The following SLCO3A1 variants were observed in gnomAD, a reference collection of about 807,000 sequenced individuals.
The protein encoded by SLCO3A1 is PGE1 transporter.
A neutral mutation model predicts 63.1 loss-of-function variants in SLCO3A1; 27 were observed. The observed-to-expected ratio is 0.43, with a 90% CI of 0.32 to 0.59. The LOEUF is 0.59. Ranked by LOEUF, SLCO3A1 falls within the 20% of genes least tolerant of loss-of-function variation. The pLI is 0.09. For synonymous variants in SLCO3A1, 473 were observed against 409.9 expected (o/e 1.15, Z -1.86); for missense variants, 773 against 945.8 (o/e 0.82, Z 2.40).
chr15:92,147,184 TCTC>T (rs1567146374), intron 8 of SLCO3A1, 25 bp downstream of exon 8: 1 of 1,592,248 alleles, frequency 6.3e-7, no homozygotes, highest in African/African-American at 1.4e-5. Context: ...CAGCCCCGCC[TCTC>T]CTCCTTTCCA....
chr15:92,106,275 G>A (rs534264216), intron 4 of SLCO3A1, among the ~76,000 whole-genome samples: 4 of 152,274 alleles, frequency 2.6e-5, no homozygotes, highest in African/African-American at 7.2e-5. Flanking sequence ...AGAATGCACC[G>A]GTAGATGAGA....
chr15:91,952,261 A>C (rs1900024866), intron 2 of SLCO3A1, among the ~76,000 whole-genome samples: 1 of 152,220 alleles, frequency 6.6e-6, no homozygotes, highest in Non-Finnish European at 1.5e-5. Context: ...TTTTCTGGAT[A>C]CTAGGCCAGA....
At chr15:91,901,303 A>AT (rs1898149559) in intron 1 of SLCO3A1, among the ~76,000 whole-genome samples, 1 of 152,212 alleles carries the variant, frequency 6.6e-6, no homozygotes, top group Non-Finnish European at 1.5e-5. Flanking sequence ...TGTCAAACGT[A>AT]TTACATCTAT....
intron 9 of SLCO3A1, among the ~76,000 whole-genome samples, chr15:92,160,707 C>T (rs183141964): frequency 1.3e-5 from 2 of 151,968 alleles, no homozygotes; most frequent in Non-Finnish European, 2.9e-5. Context: ...GCACCTGGGC[C>T]GAGAGCCTGG....
At chr15:92,135,550 T>G (rs561087069) in intron 7 of SLCO3A1, among the ~76,000 whole-genome samples, 1 of 152,310 alleles carries the variant, frequency 6.6e-6, no homozygotes, top group African/African-American at 2.4e-5. Context: ...TGATGAGATC[T>G]GAGGGTTATG....
chr15:91,864,894 C>T (rs543788562), intron 1 of SLCO3A1, among the ~76,000 whole-genome samples: 12 of 152,312 alleles, frequency 7.9e-5, no homozygotes, highest in African/African-American at 2.9e-4. Flanking sequence ...CCTCCACTGG[C>T]CCCTGACCCC....
intron 1 of SLCO3A1, among the ~76,000 whole-genome samples, chr15:91,857,061 TGTGTGTGTGA>T (rs1330286660): frequency 1.1e-4 from 15 of 137,658 alleles, no homozygotes; most frequent in African/African-American, 5.1e-4. Flanking sequence ...TGTGTGTGTG[TGTGTGTGTGA>T]GAGAGAGAGA....
At chr15:92,057,424 T>A (rs2151502797) in intron 2 of SLCO3A1, among the ~76,000 whole-genome samples, 1 of 152,298 alleles carries the variant, frequency 6.6e-6, no homozygotes, top group South Asian at 2.1e-4. Flanking sequence ...ATTGGCAGGC[T>A]CCAAGCATCA....
intron 3 of SLCO3A1, among the ~76,000 whole-genome samples, chr15:92,102,618 G>C (rs191609605): frequency 3.5e-4 from 54 of 152,266 alleles, no homozygotes; most frequent in Admixed American, 1.1e-3. Flanking sequence ...CCCCTCTCCA[G>C]CATGTAGCTA....
intron 2 of SLCO3A1, among the ~76,000 whole-genome samples, chr15:91,971,910 T>C (rs1375269652): frequency 6.6e-6 from 1 of 152,188 alleles, no homozygotes; most frequent in Non-Finnish European, 1.5e-5. Context: ...TCAGAAATGC[T>C]TGGGACCAGA....
At chr15:92,003,032 C>T (rs1383097228) in intron 2 of SLCO3A1, among the ~76,000 whole-genome samples, 1 of 152,168 alleles carries the variant, frequency 6.6e-6, no homozygotes, top group Non-Finnish European at 1.5e-5. Flanking sequence ...AAGGATATCA[C>T]TCTTCCCTGC....
At chr15:91,924,826 G>C (rs893781634) in intron 2 of SLCO3A1, among the ~76,000 whole-genome samples, 1 of 152,240 alleles carries the variant, frequency 6.6e-6, no homozygotes, top group African/African-American at 2.4e-5. Context: ...AAGGTTCCCC[G>C]AAGAGAGTAT....
intron 7 of SLCO3A1, among the ~76,000 whole-genome samples, 168 bp downstream of exon 7, chr15:92,128,657 T>C (rs1465743930): frequency 2.0e-5 from 3 of 152,210 alleles, no homozygotes; most frequent in Non-Finnish European, 4.4e-5. Context: ...ATTCAGGTCT[T>C]CTTGCTAAAT....
rs1397274970 is a variant in SLCO3A1 at position 91,882,445 on chromosome 15, A to G, written c.180+28357A>G. Among the ~76,000 whole-genome samples the G allele has an allele frequency of 2.0e-5, 3 of 152,172 alleles. No homozygotes were observed. Among genetic ancestry groups the G allele is most frequent in the Non-Finnish European group, 2.9e-5 (2 of 68,026 alleles). Reference sequence around the variant, plus strand: ...AATGAATCAATGAATGATCAAACAGAGGGACATGAAATTTGCTAATACGGT... The same window carrying G: ...AATGAATCAATGAATGATCAAACAGGGGGACATGAAATTTGCTAATACGGT... On this transcript the variant is annotated intron_variant, in intron 1 of 9. Transcript: ENST00000318445. The surrounding 1 kb of genome is among the most constrained non-coding windows in gnomAD (Gnocchi z 4.4).
At chr15:91,974,300 T>TATTATTATA (rs1901010388) in intron 2 of SLCO3A1, among the ~76,000 whole-genome samples, 1 of 150,516 alleles carries the variant, frequency 6.6e-6, no homozygotes, top group African/African-American at 2.4e-5. Context: ...TTATTATTAT[T>TATTATTATA]TCTCTAAGCC....
chr15:92,010,181 G>A (rs2151461449), intron 2 of SLCO3A1, among the ~76,000 whole-genome samples: 1 of 152,276 alleles, frequency 6.6e-6, no homozygotes, highest in Non-Finnish European at 1.5e-5. Context: ...GTTGAATTAT[G>A]GGATGCTAGA....
intron 1 of SLCO3A1, among the ~76,000 whole-genome samples, chr15:91,871,764 G>GTTTTTTTTTT (rs1368889555): frequency 2.8e-5 from 1 of 35,328 alleles, no homozygotes; most frequent in Non-Finnish European, 5.5e-5. Context: ...GTTTTTTTTT[G>GTTTTTTTTTT]GTTTTTTTTT....
chr15:92,047,635 T>C (rs1391391370), intron 2 of SLCO3A1, among the ~76,000 whole-genome samples: 1 of 105,682 alleles, frequency 9.5e-6, no homozygotes, highest in Non-Finnish European at 1.8e-5. Context: ...TATATAAATA[T>C]ATAAATATAT....
chr15:92,094,096 T>C (rs964511280), intron 2 of SLCO3A1, among the ~76,000 whole-genome samples: 2 of 152,208 alleles, frequency 1.3e-5, no homozygotes, highest in Non-Finnish European at 2.9e-5. Context: ...ATACAGCCTG[T>C]GGGTTTGAAT....
Sources: gnomAD v4.1 joint callset for allele counts (sites outside exome capture counted in the v4.1 genomes callset) on GRCh38, gnomAD v4.1.1 for gene constraint, Gnocchi (gnomAD v3.1) non-coding constraint, MANE v1.5 for transcripts, NCBI Gene and HGNC (gene_info 2026-07-23, HGNC 2026-07-21) for gene names.